CASZ1: variants seen among roughly 807,000 people sequenced by gnomAD.
CASZ1 encodes zinc finger protein castor homolog 1.
A neutral mutation model predicts 135.2 loss-of-function variants in CASZ1; 28 were observed. The observed-to-expected ratio is 0.21, with a 90% CI of 0.15 to 0.28. The LOEUF (loss-of-function observed/expected upper bound fraction) is 0.28. CASZ1 is among the 10% of genes least tolerant of loss of function. The pLI is 1.00. For missense variants in CASZ1, 2,161 were observed against 2,453.3 expected (o/e 0.88, Z 2.52); for synonymous variants, 1,068 against 1,073.4 (o/e 0.99, Z 0.10).
chr1:10,673,199 T>C (rs1557493796), intron 4 of CASZ1, among the ~76,000 whole-genome samples: 2 of 152,172 alleles, frequency 1.3e-5, no homozygotes, highest in African/African-American at 2.4e-5. Context: ...AAATAATTTA[T>C]GCAATTTTAA....
chr1:10,712,456 C>T (rs557673536), intron 2 of CASZ1, among the ~76,000 whole-genome samples: 7 of 152,306 alleles, frequency 4.6e-5, no homozygotes, highest in African/African-American at 1.4e-4. Flanking sequence ...AAAATGATAT[C>T]GCTTTTTTAA....
In CASZ1 at chr1:10,659,682, TG is replaced by T. The variant is rs1557477878; in HGVS notation, c.1340+19del. The T allele has an allele frequency of 1.3e-6, 2 of 1,585,390 alleles. No individual in the cohort carries two copies. Among genetic ancestry groups the T allele is most frequent in the Non-Finnish European group, 8.7e-7 (1 of 1,154,166 alleles). On this transcript the variant is annotated intron_variant, in intron 6 of 20. Transcript: ENST00000377022. ...GTCTGGCTCCTGGCTCTGGGCATTGTGGGGTGGGGAGCGCCTTACTTGACAG... is the reference window on the plus strand; with the variant it reads ...GTCTGGCTCCTGGCTCTGGGCATTGTGGGTGGGGAGCGCCTTACTTGACAG...
At chr1:10,681,359 C>T (rs1343387780) in intron 4 of CASZ1, among the ~76,000 whole-genome samples, 1 of 152,156 alleles carries the variant, frequency 6.6e-6, no homozygotes, top group African/African-American at 2.4e-5. Flanking sequence ...AGCCCAGACC[C>T]TACTCCACCT....
chr1:10,652,155 T>C (rs1642613152), intron 11 of CASZ1: 1 of 152,312 alleles, frequency 6.6e-6, no homozygotes, highest in Non-Finnish European at 1.5e-5. Context: ...CCAGCTCCCC[T>C]GCCAAGCACT....
rs498504 is a variant in CASZ1 at position 10,679,315 on chromosome 1, A to G, written c.17-13744T>C. On this transcript the variant is annotated intron_variant, in intron 4 of 20. Transcript: ENST00000377022. This position sits in a 1 kb window ranked among gnomAD's most constrained non-coding sequence, Gnocchi z 4.7. ...AGGTCTCCTGGGCCATCTGCACCACATGCCCCAGGAAGCGGTCCCTCTCCC... is the reference window on the plus strand; with the variant it reads ...AGGTCTCCTGGGCCATCTGCACCACGTGCCCCAGGAAGCGGTCCCTCTCCC... Among the ~76,000 whole-genome samples the G allele has an allele frequency of 3.3e-5, 5 of 152,080 alleles. No homozygotes were observed. Among genetic ancestry groups the G allele is most frequent in the African/African-American group, 1.2e-4 (5 of 41,472 alleles).
At position 10,646,775 on chromosome 1, in the gene CASZ1, C is replaced by T. The variant is rs1353430219; in HGVS notation, c.3498-449G>A. Reference sequence around the variant, plus strand: ...ATGGGTGCTCGGCCCCACCAGGAAGCGCTGCTGCCACAGGCCCTTAGCAAG... The same window carrying T: ...ATGGGTGCTCGGCCCCACCAGGAAGTGCTGCTGCCACAGGCCCTTAGCAAG... On this transcript the variant is annotated intron_variant, in intron 16 of 20. Transcript: ENST00000377022. The surrounding 1 kb of genome is among the most constrained non-coding windows in gnomAD (Gnocchi z 6.4). Among the ~76,000 whole-genome samples, 4 of 152,196 alleles carry T rather than the reference C, an allele frequency of 2.6e-5. No individual in the cohort carries two copies. Among genetic ancestry groups the T allele is most frequent in the Admixed American group, 6.5e-5 (1 of 15,290 alleles).
At chr1:10,761,163 G>T (rs1173578729) in intron 1 of CASZ1, among the ~76,000 whole-genome samples, 1 of 152,246 alleles carries the variant, frequency 6.6e-6, no homozygotes, top group Non-Finnish European at 1.5e-5. Flanking sequence ...GCCTCCCCAG[G>T]TAACACAGAA....
intron 2 of CASZ1, among the ~76,000 whole-genome samples, chr1:10,745,354 G>C (rs556120445): frequency 8.3e-4 from 126 of 152,070 alleles, no homozygotes; most frequent in African/African-American, 3.0e-3. Flanking sequence ...GAAGAATCCA[G>C]TGTGTTCCCC....
rs934510342 is a variant in CASZ1, at chr1:10,757,787, CAAACAAA to C, written c.-77+2907_-77+2913del. 2.0e-5 allele frequency among the ~76,000 whole-genome samples: 3 copies of C among 152,138 alleles called. No homozygotes were observed. Among genetic ancestry groups the C allele is most frequent in the Admixed American group, 6.5e-5 (1 of 15,280 alleles). ...TGGGTGACAGAGTGAGACTCCATCT[CAAACAAA>C]AAACAAAAAACAGAAAACCATCACA... On this transcript the variant is annotated intron_variant, in intron 2 of 20. Transcript: ENST00000377022. This position sits in a 1 kb window ranked among gnomAD's most constrained non-coding sequence, Gnocchi z 4.6.
In CASZ1 at chr1:10,647,531, G is replaced by C; in HGVS notation, c.3497+270C>G. ...CCACCACGCCCAGTCCACCCCACCT[G>C]GCCCTGGCAGGATCACCACATGCCC... On this transcript the variant is annotated intron_variant, in intron 16 of 20. Coordinates refer to ENST00000377022, the MANE Select transcript of CASZ1 (RefSeq NM_001079843.3). The surrounding 1 kb of genome is among the most constrained non-coding windows in gnomAD (Gnocchi z 4.9). The C allele has an allele frequency of 1.5e-6, 2 of 1,358,828 alleles. No homozygotes were observed. Among genetic ancestry groups the C allele is most frequent in the East Asian group, 6.0e-5 (2 of 33,066 alleles). 84.2% of individuals were successfully genotyped at this position (1,358,828 alleles called of 1,614,324 possible).
chr1:10,796,020 C>T (rs1641063535), intron 1 of CASZ1, among the ~76,000 whole-genome samples: 1 of 147,760 alleles, frequency 6.8e-6, no homozygotes, highest in Non-Finnish European at 1.5e-5. Flanking sequence ...GCCTCCTTCT[C>T]TGCCCTGGAG....
At chr1:10,754,135 T>C (rs1301452939) in intron 2 of CASZ1, among the ~76,000 whole-genome samples, 1 of 152,188 alleles carries the variant, frequency 6.6e-6, no homozygotes, top group Non-Finnish European at 1.5e-5. Context: ...TTCACCCAAA[T>C]GTCACCATCG....
At chr1:10,680,211 C>A (rs907905412) in intron 4 of CASZ1, among the ~76,000 whole-genome samples, 2 of 151,694 alleles carry the variant, frequency 1.3e-5, no homozygotes, top group Non-Finnish European at 2.9e-5. Flanking sequence ...CCAGGAGAGC[C>A]CCTTCCAGGC....
At chr1:10,660,742 T>C in intron 5 of CASZ1, 1 of 563,960 alleles carries the variant, frequency 1.8e-6, no homozygotes, top group Non-Finnish European at 3.1e-6. Flanking sequence ...AATACTGGGG[T>C]AAAATAAAAC....
At chr1:10,658,213 A>G (rs1029192343) in intron 7 of CASZ1, 3 of 388,112 alleles carry the variant, frequency 7.7e-6, no homozygotes, top group African/African-American at 2.0e-5. Context: ...GGACCCAGGC[A>G]AGCTGGGGGA....
Position 10,697,295 on chromosome 1 carries a change from A to G in CASZ1, c.-23-3383T>C, listed in dbSNP as rs1265751157. On this transcript the variant is annotated intron_variant, in intron 3 of 20. Transcript: ENST00000377022. This position sits in a 1 kb window ranked among gnomAD's most constrained non-coding sequence, Gnocchi z 4.7. The stretch of plus-strand genomic sequence containing the variant: ...GTGTATCTGCTCATACCAAGAGGAG[A>G]GGCATCTTTTGAGGCTATGGCCCAT... Among the ~76,000 whole-genome samples the G allele has an allele frequency of 6.6e-6, 1 of 151,162 alleles. No homozygotes were observed. The highest frequency in any genetic ancestry group is 1.5e-5 in the Non-Finnish European group (1 of 67,846).
chr1:10,752,622 G>T (rs957315320), intron 2 of CASZ1, among the ~76,000 whole-genome samples: 6 of 152,324 alleles, frequency 3.9e-5, no homozygotes, highest in African/African-American at 1.4e-4. Context: ...AGGGAGTGCT[G>T]GCTCTTCCAG....
At chr1:10,723,545 C>T (rs1639542557) in intron 2 of CASZ1, among the ~76,000 whole-genome samples, 1 of 152,242 alleles carries the variant, frequency 6.6e-6, no homozygotes, top group Non-Finnish European at 1.5e-5. Flanking sequence ...CTGGGGGCAG[C>T]ACATGCCCTG....
At chr1:10,730,153 C>T (rs948420054) in intron 2 of CASZ1, among the ~76,000 whole-genome samples, 2 of 151,976 alleles carry the variant, frequency 1.3e-5, no homozygotes, top group Non-Finnish European at 2.9e-5. Context: ...CTCTGTCACC[C>T]AGGCTGGAGT....
Sources: gnomAD v4.1 joint callset for allele counts (sites outside exome capture counted in the v4.1 genomes callset) on GRCh38, gnomAD v4.1.1 for gene constraint, Gnocchi (gnomAD v3.1) non-coding constraint, MANE v1.5 for transcripts, NCBI Gene and HGNC (gene_info 2026-07-23, HGNC 2026-07-21) for gene names.